Variants in NOTCH2 observed in about 807,000 individuals in gnomAD.
NOTCH2 encodes neurogenic locus notch homolog protein 2.
NOTCH2 carries 29 observed loss-of-function variants against 235.8 expected under a neutral mutation model. The ratio of observed to expected loss-of-function variants is 0.12; its 90% CI spans 0.09 to 0.17. NOTCH2 has a LOEUF of 0.17. Ranked by LOEUF, NOTCH2 falls within the 10% of genes least tolerant of loss-of-function variation. NOTCH2 has a pLI of 1.00. For missense variants in NOTCH2, 2,285 were observed against 3,150.2 expected, an observed-to-expected ratio of 0.73 and a Z score of 6.57; for synonymous variants, 1,086 against 1,141.5, an observed-to-expected ratio of 0.95 and a Z score of 0.98.
rs782709024 is a variant in NOTCH2 at position 119,963,702 on chromosome 1, T to C, written c.1787A>G (p.Asn596Ser). Residue 596 changes from asparagine (N) to serine (S), a missense_variant, in exon 11 of 34, where the codon AAT (asparagine) becomes AGT (serine). Asn to Ser is a conservative substitution (Grantham distance 46). This residue lies in a region of NOTCH2 where 431 missense variants were observed against 757.8 expected (regional missense o/e 0.57). Transcript: ENST00000256646. The stretch of plus-strand genomic sequence containing the variant: ...GCAGATGGCGCCCATGTACCCGGGA[T>C]TGCAGATGCAGGTGTAGGAATCAAT... ...DGIDSYTCIC[N>S]PGYMGAICSD... The C allele has an allele frequency of 4.6e-5, 75 of 1,613,962 alleles. No homozygotes were observed. Among genetic ancestry groups the C allele is most frequent in the East Asian group, 6.7e-5 (3 of 44,896 alleles).
intron 3 of NOTCH2, among the ~76,000 whole-genome samples, chr1:120,000,037 GAGAA>G (rs1307272008): frequency 1.3e-4 from 20 of 151,050 alleles, no homozygotes; most frequent in South Asian, 6.4e-4. Flanking sequence ...GGAAGGAAGG[GAGAA>G]AGAAAGAAAG....
intron 22 of NOTCH2, among the ~76,000 whole-genome samples, chr1:119,931,245 A>T (rs888584582): frequency 1.2e-4 from 18 of 152,160 alleles, no homozygotes; most frequent in African/African-American, 4.3e-4. Flanking sequence ...TTACCAAATT[A>T]CCAAAGATAA....
intron 2 of NOTCH2, among the ~76,000 whole-genome samples, chr1:120,006,157 TTTCTGGGTTATG>T (rs1245533185): frequency 2.6e-5 from 4 of 152,090 alleles, no homozygotes; most frequent in African/African-American, 9.7e-5. Context: ...GATACCTAGT[TTTCTGGGTTATG>T]TTCAGGTGGC....
Position 119,960,814 on chromosome 1 carries a change from C to T in NOTCH2, c.1916-1312G>A, listed in dbSNP as rs147743959. Among the ~76,000 whole-genome samples the T allele has an allele frequency of 2.0e-5, 3 of 152,130 alleles. No homozygotes were observed. In the East Asian group the frequency reaches 5.8e-4, roughly 30 times the overall value. ...TCAGCCTCCCGATTACAGGTGTGTA[C>T]CACCTTACCTGGCTAATTTTTATTT... On this transcript the variant is annotated intron_variant, in intron 11 of 33. Coordinates refer to ENST00000256646, the MANE Select transcript of NOTCH2 (RefSeq NM_024408.4).
intron 21 of NOTCH2, among the ~76,000 whole-genome samples, chr1:119,936,968 C>G (rs990423413): frequency 2.0e-5 from 3 of 151,938 alleles, no homozygotes; most frequent in African/African-American, 4.8e-5. Context: ...AGCTGCTATT[C>G]AGGGAAGTGT....
chr1:120,051,186 A>C (rs1259303995), intron 1 of NOTCH2, among the ~76,000 whole-genome samples: 3 of 70,366 alleles, frequency 4.3e-5, no homozygotes, highest in Admixed American at 4.0e-4. Context: ...CTATTATAAA[A>C]AAAGTTTTGA....
Position 119,929,127 on chromosome 1 carries a change from G to A in NOTCH2, c.3741C>T (p.Gly1247=). The A allele has an allele frequency of 1.2e-6, 2 of 1,614,240 alleles. No individual in the cohort carries two copies. The highest frequency in any genetic ancestry group is 1.1e-5 in the South Asian group (1 of 91,082). Residue 1247 remains glycine, a synonymous_variant, in exon 23 of 34, where the codon GGC becomes GGT. Coordinates refer to ENST00000256646, the MANE Select transcript of NOTCH2 (RefSeq NM_024408.4). ...NGGQCMDRIG[G]YSCRCLPGFA... is the part of the protein sequence containing the mutation. The stretch of plus-strand genomic sequence containing the variant: ...AGCCAGGCAAGCAGCGACAACTGTA[G>A]CCTCCAATCCTATCCATGCACTGAC...
At chr1:119,942,335 C>T (rs1650091940) in intron 17 of NOTCH2, among the ~76,000 whole-genome samples, 1 of 152,118 alleles carries the variant, frequency 6.6e-6, no homozygotes, top group South Asian at 2.1e-4. Flanking sequence ...ACAGTCATGC[C>T]ACGGCACTCT....
chr1:120,041,041 C>CAAAAAA (rs71586698), intron 1 of NOTCH2, among the ~76,000 whole-genome samples: 9 of 15,666 alleles, frequency 5.7e-4, no homozygotes, highest in Non-Finnish European at 7.7e-4. Flanking sequence ...ACTCTGCCTG[C>CAAAAAA]AAAAAAAAAA....
chr1:119,996,331 G>C, intron 4 of NOTCH2: 1 of 358,402 alleles, frequency 2.8e-6, no homozygotes, highest in South Asian at 2.6e-5. Flanking sequence ...GTGTAACAAA[G>C]TATTGTGCCA....
intron 5 of NOTCH2, among the ~76,000 whole-genome samples, chr1:119,982,962 A>T (rs1553201839): frequency 6.6e-6 from 1 of 152,224 alleles, no homozygotes; most frequent in Admixed American, 6.5e-5. Context: ...AGCAATGGTA[A>T]TACCTACAGA....
At chr1:119,932,230 C>T (rs1649689489) in intron 22 of NOTCH2, among the ~76,000 whole-genome samples, 3 of 152,040 alleles carry the variant, frequency 2.0e-5, no homozygotes. Flanking sequence ...AAATATCTAT[C>T]ATGATGGCAC....
chr1:119,927,960 A>C (rs1457771901), intron 23 of NOTCH2, among the ~76,000 whole-genome samples: 2 of 152,194 alleles, frequency 1.3e-5, no homozygotes, highest in African/African-American at 4.8e-5. Flanking sequence ...AGCAGAGTTC[A>C]GCTTGATGAA....
chr1:119,985,777 T>C (rs1167200220), intron 5 of NOTCH2, among the ~76,000 whole-genome samples: 4 of 152,140 alleles, frequency 2.6e-5, no homozygotes, highest in Admixed American at 1.3e-4. Context: ...AAGTCTATCA[T>C]AGAAAAATGG....
chr1:120,025,431 A>T (rs1427997062), intron 2 of NOTCH2, among the ~76,000 whole-genome samples: 19 of 152,008 alleles, frequency 1.2e-4, no homozygotes, highest in Non-Finnish European at 1.5e-4. Context: ...ACCCTATCCC[A>T]TGACTAAGAT....
chr1:120,027,055 C>T (rs1278098385), intron 2 of NOTCH2, among the ~76,000 whole-genome samples: 2 of 143,980 alleles, frequency 1.4e-5, no homozygotes, highest in African/African-American at 2.5e-5. Flanking sequence ...GGGTTCAGGC[C>T]ATTCTCCTGC....
chr1:119,936,692 T>C (rs1268946776), intron 21 of NOTCH2, among the ~76,000 whole-genome samples: 2 of 152,162 alleles, frequency 1.3e-5, no homozygotes, highest in South Asian at 2.1e-4. Context: ...ATGGTTTGAA[T>C]TGGTATCAAA....
At chr1:119,981,061 C>T (rs1354030987) in intron 5 of NOTCH2, among the ~76,000 whole-genome samples, 2 of 152,162 alleles carry the variant, frequency 1.3e-5, no homozygotes, top group Non-Finnish European at 2.9e-5. Flanking sequence ...CATGGTAACC[C>T]TGAGTCTCTC....
intron 17 of NOTCH2, among the ~76,000 whole-genome samples, chr1:119,948,073 T>C (rs976124059): frequency 6.6e-6 from 1 of 152,250 alleles, no homozygotes; most frequent in Non-Finnish European, 1.5e-5. Context: ...ACTTACTATA[T>C]GTCAAAATGT....
Sources: allele counts gnomAD v4.1 joint callset (sites outside exome capture counted in the v4.1 genomes callset), GRCh38; gene constraint gnomAD v4.1.1; regional missense constraint gnomAD v4.1.1; transcripts MANE v1.5; gene names NCBI Gene and HGNC (gene_info 2026-07-23, HGNC 2026-07-21).